Variants in CSTPP1 observed in about 807,000 individuals in gnomAD.
CSTPP1 encodes UPF0705 protein C11orf49.
chr11:46,940,236 A>G, the CSTPP1 span, among the ~76,000 whole-genome samples: 1 of 152,194 alleles, frequency 6.6e-6, no homozygotes, highest in Non-Finnish European at 1.5e-5. Flanking sequence ...TTTTAGCTAT[A>G]TAGTATTTAA....
At chr11:47,010,616 A>C in the CSTPP1 span, among the ~76,000 whole-genome samples, 16 of 152,178 alleles carry the variant, frequency 1.1e-4, no homozygotes, top group Non-Finnish European at 2.1e-4. Flanking sequence ...TAAGATAGTG[A>C]GACTTGGTTT....
the CSTPP1 span, among the ~76,000 whole-genome samples, chr11:47,001,669 AT>A: frequency 8.7e-5 from 13 of 149,852 alleles, no homozygotes; most frequent in East Asian, 1.9e-4. Flanking sequence ...ATTTCTTGTT[AT>A]TTTTTTTTTC....
the CSTPP1 span, among the ~76,000 whole-genome samples, chr11:47,116,662 AT>A: frequency 1.0e-5 from 1 of 100,326 alleles, no homozygotes; most frequent in African/African-American, 3.6e-5. Context: ...TTTGCTTTCC[AT>A]TTGCTTGGTA....
At chr11:47,038,690 C>A in the CSTPP1 span, among the ~76,000 whole-genome samples, 1 of 124,284 alleles carries the variant, frequency 8.0e-6, no homozygotes, top group East Asian at 2.2e-4. Flanking sequence ...CTGACCCCCC[C>A]ACCTCCCTGC....
At chr11:47,103,833 C>T in the CSTPP1 span, 1 of 151,860 alleles carries the variant, frequency 6.6e-6, no homozygotes, top group Admixed American at 6.6e-5. Flanking sequence ...TGTTACCACG[C>T]CCTGCTAATT....
the CSTPP1 span, among the ~76,000 whole-genome samples, chr11:47,134,510 C>T: frequency 4.0e-3 from 616 of 152,248 alleles, 2 homozygotes; most frequent in African/African-American, 0.014. Flanking sequence ...AATTCAAGAG[C>T]TGAGCACAGA....
At chr11:46,959,511 G>A in the CSTPP1 span, among the ~76,000 whole-genome samples, 2 of 152,100 alleles carry the variant, frequency 1.3e-5, no homozygotes, top group African/African-American at 4.8e-5. Context: ...ACTATGTAAG[G>A]TTGGGAAGAG....
the CSTPP1 span, among the ~76,000 whole-genome samples, chr11:47,010,501 C>T: frequency 6.6e-6 from 1 of 152,170 alleles, no homozygotes; most frequent in African/African-American, 2.4e-5. Context: ...TGCTCAGCCT[C>T]CAAAGCTCCT....
the CSTPP1 span, among the ~76,000 whole-genome samples, chr11:47,054,688 C>T: frequency 1.3e-5 from 2 of 152,058 alleles, no homozygotes; most frequent in Non-Finnish European, 2.9e-5. Context: ...AGAAGATGGC[C>T]TAGACTAGAG....
the CSTPP1 span, among the ~76,000 whole-genome samples, chr11:47,077,283 T>C: frequency 3.4e-5 from 5 of 147,328 alleles, no homozygotes; most frequent in Non-Finnish European, 7.5e-5. Context: ...CACTGCAACC[T>C]CCGCCTCCTG....
chr11:47,008,211 C>T, the CSTPP1 span, among the ~76,000 whole-genome samples: 1 of 152,130 alleles, frequency 6.6e-6, no homozygotes, highest in Non-Finnish European at 1.5e-5. Context: ...GTGATCTGCC[C>T]GCCTTGGCCT....
At chr11:46,980,700 A>T in the CSTPP1 span, among the ~76,000 whole-genome samples, 1 of 152,228 alleles carries the variant, frequency 6.6e-6, no homozygotes, top group African/African-American at 2.4e-5. Context: ...ACAAGTTAAA[A>T]GAAGACCATG....
chr11:47,086,279 ACCTGTAAT>A, the CSTPP1 span, among the ~76,000 whole-genome samples: 1 of 150,506 alleles, frequency 6.6e-6, no homozygotes, highest in Non-Finnish European at 1.5e-5. Context: ...GGTAGTACAT[ACCTGTAAT>A]CCCAGCTACT....
the CSTPP1 span, chr11:47,041,869 C>T: frequency 2.3e-5 from 8 of 351,390 alleles, 3 homozygotes; most frequent in South Asian, 4.8e-5. Context: ...TCCCATGCCA[C>T]CTTTGCGCCA....
At chr11:46,984,211 C>T in the CSTPP1 span, among the ~76,000 whole-genome samples, 5 of 152,272 alleles carry the variant, frequency 3.3e-5, no homozygotes, top group East Asian at 3.9e-4. Context: ...GGTGAGGCAA[C>T]GTGTTAAGAG....
the CSTPP1 span, among the ~76,000 whole-genome samples, chr11:47,085,289 T>C: frequency 3.9e-5 from 6 of 152,134 alleles, no homozygotes; most frequent in East Asian, 1.2e-3. Context: ...CTAGAAACAA[T>C]GACAAAACTA....
the CSTPP1 span, among the ~76,000 whole-genome samples, chr11:46,967,766 A>T: frequency 6.6e-6 from 1 of 150,594 alleles, no homozygotes; most frequent in Admixed American, 6.6e-5. Flanking sequence ...ATCCTGGCAA[A>T]AAATAATCTT....
At chr11:47,138,087 A>ATAC in the CSTPP1 span, 15 of 265,986 alleles carry the variant, frequency 5.6e-5, no homozygotes, top group Admixed American at 5.5e-4. Context: ...TACTGTAAAG[A>ATAC]TACTACCCAA....
At chr11:46,995,452 G>T in the CSTPP1 span, among the ~76,000 whole-genome samples, 1 of 152,126 alleles carries the variant, frequency 6.6e-6, no homozygotes, top group Non-Finnish European at 1.5e-5. Context: ...CTTTAAATGT[G>T]TCCCAGAGAT....
Sources: gnomAD v4.1 joint callset for allele counts (sites outside exome capture counted in the v4.1 genomes callset) on GRCh38, gnomAD v4.1.1 for gene constraint, MANE v1.5 for transcripts, NCBI Gene and HGNC (gene_info 2026-07-23, HGNC 2026-07-21) for gene names.